CADM2: variants seen among roughly 807,000 people sequenced by gnomAD.
CADM2 encodes cell adhesion molecule 2, also known as immunoglobulin superfamily member 4D.
Under a neutral mutation model 49.8 loss-of-function variants are expected in CADM2, and 12 were observed. That is an observed-to-expected ratio of 0.24 (90% CI 0.15 to 0.39). The LOEUF is 0.39. Ranked by LOEUF, CADM2 falls within the 10% of genes least tolerant of loss-of-function variation. The pLI is 1.00. For synonymous variants in CADM2, 214 were observed against 175.4 expected (o/e 1.22, Z -1.74); for missense variants, 378 against 492.3 (o/e 0.77, Z 2.20).
At chr3:85,986,273 T>A (rs559958002) in intron 8 of CADM2, among the ~76,000 whole-genome samples, 10 of 152,078 alleles carry the variant, frequency 6.6e-5, no homozygotes, top group Non-Finnish European at 2.9e-5. Context: ...GAAAAAGCAT[T>A]CCAGTACTGA....
At chr3:85,681,636 G>T (rs1474550967) in intron 1 of CADM2, among the ~76,000 whole-genome samples, 1 of 151,942 alleles carries the variant, frequency 6.6e-6, no homozygotes, top group Non-Finnish European at 1.5e-5. Flanking sequence ...GCTTCATCTG[G>T]CAGGCTATGA....
chr3:85,440,906 C>G (rs925748471), intron 1 of CADM2, among the ~76,000 whole-genome samples: 12 of 151,904 alleles, frequency 7.9e-5, no homozygotes, highest in African/African-American at 2.9e-4. Context: ...AGCTTGAACT[C>G]AAGAGTTGGA....
chr3:85,096,462 A>G (rs1258844353), intron 1 of CADM2, among the ~76,000 whole-genome samples: 1 of 152,118 alleles, frequency 6.6e-6, no homozygotes, highest in African/African-American at 2.4e-5. Context: ...CTATAAGAAA[A>G]TAGATCTTAT....
chr3:85,255,325 G>A (rs542181367), intron 1 of CADM2, among the ~76,000 whole-genome samples: 2 of 152,042 alleles, frequency 1.3e-5, no homozygotes, highest in African/African-American at 4.8e-5. Context: ...TTCACTTAAA[G>A]GTATTTAAAG....
intron 1 of CADM2, among the ~76,000 whole-genome samples, chr3:85,398,466 A>G (rs1402342842): frequency 6.6e-6 from 1 of 152,186 alleles, no homozygotes; most frequent in East Asian, 1.9e-4. Flanking sequence ...CAATAAACAT[A>G]CATGTGCATG....
At chr3:84,981,135 AC>A (rs2032155500) in intron 1 of CADM2, among the ~76,000 whole-genome samples, 1 of 45,868 alleles carries the variant, frequency 2.2e-5, no homozygotes, top group Admixed American at 3.2e-4. Flanking sequence ...CCCTCCCCCC[AC>A]CCCACAACAG....
At chr3:85,750,857 G>A (rs376915803) in intron 2 of CADM2, among the ~76,000 whole-genome samples, 4 of 151,924 alleles carry the variant, frequency 2.6e-5, no homozygotes, top group African/African-American at 7.3e-5. Flanking sequence ...ACCATTTACC[G>A]TATGTTATAA....
At chr3:85,636,594 A>T (rs2064495542) in intron 1 of CADM2, among the ~76,000 whole-genome samples, 1 of 152,184 alleles carries the variant, frequency 6.6e-6, no homozygotes, top group African/African-American at 2.4e-5. Flanking sequence ...ATGTACAAGA[A>T]TGTCTTAAGC....
At chr3:85,377,551 T>A (rs992587829) in intron 1 of CADM2, among the ~76,000 whole-genome samples, 2 of 152,178 alleles carry the variant, frequency 1.3e-5, no homozygotes, top group East Asian at 1.9e-4. Context: ...GGAAAACCAT[T>A]AGTTTATCCA....
intron 1 of CADM2, among the ~76,000 whole-genome samples, chr3:85,134,337 T>G (rs929673743): frequency 5.9e-5 from 9 of 152,164 alleles, no homozygotes; most frequent in African/African-American, 1.9e-4. Flanking sequence ...GAAGGGCCCC[T>G]CAAGTGCCGC....
At chr3:85,872,182 G>A (rs1354434582) in intron 3 of CADM2, among the ~76,000 whole-genome samples, 1 of 152,158 alleles carries the variant, frequency 6.6e-6, no homozygotes, top group Non-Finnish European at 1.5e-5. Flanking sequence ...ATATGACAGT[G>A]GTGGAGTCAG....
At chr3:85,266,706 A>C (rs1323759718) in intron 1 of CADM2, among the ~76,000 whole-genome samples, 1 of 151,818 alleles carries the variant, frequency 6.6e-6, no homozygotes, top group Non-Finnish European at 1.5e-5. Flanking sequence ...TTTCACATTG[A>C]ACTGTGCTTA....
In CADM2 at chr3:85,425,719, G is replaced by C. The variant is rs560260136; in HGVS notation, c.62-300803G>C. On this transcript the variant is annotated intron_variant, in intron 1 of 9. Transcript: ENST00000383699. ...GATCAGATCCAACACCAGGTCTTGGGGGTGACAAAGTCCAGTGGAGTCAAA... is the reference window on the plus strand; with the variant it reads ...GATCAGATCCAACACCAGGTCTTGGCGGTGACAAAGTCCAGTGGAGTCAAA... Among the ~76,000 whole-genome samples, 31 of 152,172 alleles carry C rather than the reference G, an allele frequency of 2.0e-4. No individual in the cohort carries two copies. In the South Asian group the frequency reaches 6.4e-3, roughly 32 times the overall value.
intron 1 of CADM2, among the ~76,000 whole-genome samples, chr3:85,260,985 A>G (rs1001564442): frequency 6.6e-6 from 1 of 152,074 alleles, no homozygotes; most frequent in African/African-American, 2.4e-5. Context: ...ACTGGAAAGA[A>G]TAGTTGTGAT....
rs114442174 is a variant in CADM2, at chr3:85,207,901, C to G, written c.61+248233C>G. On this transcript the variant is annotated intron_variant, in intron 1 of 9. Transcript: ENST00000383699. ...AGAAAGCCCTCCTGTTTCCTTTCTC[C>G]TTTGTTTTGTGTATATTTCTAGTAT... Among the ~76,000 whole-genome samples the G allele has an allele frequency of 4.3e-3, 650 of 152,108 alleles. 4 individuals are homozygous for G. Among genetic ancestry groups the G allele is most frequent in the African/African-American group, 0.015 (633 of 41,528 alleles).
Position 86,066,869 on chromosome 3 carries a change from C to A in CADM2, c.*86C>A. On this transcript the variant is annotated 3_prime_UTR_variant, in exon 10 of 10. Transcript: ENST00000383699. ...ATCTTTCAGAAGTCATTTCTACCAT[C>A]GTCTGCTACCCTTATTAACTCCCAT... 2.3e-6 allele frequency: 2 copies of A among 874,630 alleles called. No homozygotes were observed. The highest frequency in any genetic ancestry group is 1.9e-6 in the Non-Finnish European group (1 of 520,196). The allele number at this position is 874,630 out of a possible 1,614,324, so 54.2% of individuals were successfully genotyped here. A position where few individuals can be genotyped will look rare whatever the true frequency, so the allele number is the denominator to read the frequency against.
In CADM2 at chr3:85,924,592, A is replaced by T. The variant is rs1033205322; in HGVS notation, c.701-11175A>T. ...GGGTGACAAAATGAAACAACATCTA[A>T]AAATAAATAAATAAATAAATAAATA... On this transcript the variant is annotated intron_variant, in intron 6 of 9. Transcript: ENST00000383699. Among the ~76,000 whole-genome samples, 7 of 146,218 alleles carry T rather than the reference A, an allele frequency of 4.8e-5. No individual in the cohort carries two copies. The Admixed American group carries it at 4.8e-4, about 10-fold the overall frequency.
intron 7 of CADM2, among the ~76,000 whole-genome samples, chr3:85,950,763 G>A (rs1723332878): frequency 6.6e-6 from 1 of 151,042 alleles, no homozygotes. Flanking sequence ...AAATCTACTG[G>A]TGAAATTAAT....
At chr3:85,861,351 C>T (rs948173233) in intron 3 of CADM2, among the ~76,000 whole-genome samples, 2 of 152,000 alleles carry the variant, frequency 1.3e-5, no homozygotes, top group African/African-American at 4.8e-5. Context: ...CATTTGTTAA[C>T]TGTTAGATGT....
Sources: gnomAD v4.1 joint callset for allele counts (sites outside exome capture counted in the v4.1 genomes callset) on GRCh38, gnomAD v4.1.1 for gene constraint, MANE v1.5 for transcripts, NCBI Gene and HGNC (gene_info 2026-07-23, HGNC 2026-07-21) for gene names.